The following TMEM132D variants were observed in gnomAD, a reference collection of about 807,000 sequenced individuals.
TMEM132D encodes the protein mature OL transmembrane protein.
A neutral mutation model predicts 62.3 loss-of-function variants in TMEM132D; 21 were observed. The ratio of observed to expected loss-of-function variants is 0.34; its 90% CI spans 0.24 to 0.49. The LOEUF is 0.49. Ranked by LOEUF, TMEM132D falls within the 20% of genes least tolerant of loss-of-function variation. The pLI is 0.99. For synonymous variants in TMEM132D, 621 were observed against 575.6 expected (o/e 1.08, Z -1.13); for missense variants, 1,346 against 1,402.8 (o/e 0.96, Z 0.65).
At chr12:129,297,504 G>T (rs1472107260) in intron 4 of TMEM132D, among the ~76,000 whole-genome samples, 1 of 152,218 alleles carries the variant, frequency 6.6e-6, no homozygotes, top group Admixed American at 6.5e-5. Context: ...ACCAGAAAGG[G>T]ATTCCAGCAG....
chr12:129,206,859 A>G (rs1301995678), intron 5 of TMEM132D, among the ~76,000 whole-genome samples: 1 of 152,154 alleles, frequency 6.6e-6, no homozygotes, highest in Non-Finnish European at 1.5e-5. Flanking sequence ...AGAAAACCAA[A>G]TACTCCATGT....
chr12:129,406,662 C>T (rs915801226), intron 3 of TMEM132D, among the ~76,000 whole-genome samples: 25 of 151,764 alleles, frequency 1.6e-4, no homozygotes, highest in Admixed American at 6.6e-4. Context: ...TACACACATA[C>T]ACACCATGTA....
intron 4 of TMEM132D, among the ~76,000 whole-genome samples, chr12:129,333,718 C>A (rs1422518272): frequency 1.3e-5 from 2 of 152,206 alleles, no homozygotes; most frequent in African/African-American, 2.4e-5. Flanking sequence ...GCCTCCCTTG[C>A]AGCTAGATCT....
intron 3 of TMEM132D, among the ~76,000 whole-genome samples, chr12:129,356,534 G>A (rs376877761): frequency 1.3e-5 from 2 of 151,560 alleles, no homozygotes; most frequent in Admixed American, 6.6e-5. Flanking sequence ...AATAAGAAAC[G>A]AGGCCGGGCT....
chr12:129,268,241 A>G (rs1188455833), intron 4 of TMEM132D, among the ~76,000 whole-genome samples: 1 of 152,206 alleles, frequency 6.6e-6, no homozygotes, highest in Non-Finnish European at 1.5e-5. Context: ...ATCAGAGTGA[A>G]CAGGCAACCT....
chr12:129,764,371 GA>G (rs1421057796), intron 1 of TMEM132D, among the ~76,000 whole-genome samples: 4 of 152,168 alleles, frequency 2.6e-5, no homozygotes, highest in African/African-American at 4.8e-5. Flanking sequence ...GTAGGGTTAA[GA>G]AAGGTGGAAA....
chr12:129,543,567 T>C lies in TMEM132D; in HGVS notation c.969-12362A>G, dbSNP rs531373291. The stretch of plus-strand genomic sequence containing the variant: ...TGTGAGAATGCCCAGGGTGCTTCTA[T>C]TAGCCTAAAGTTTGGCAAAATCATC... On this transcript the variant is annotated intron_variant, in intron 2 of 8. Coordinates refer to ENST00000422113, the MANE Select transcript of TMEM132D (RefSeq NM_133448.3). Among the ~76,000 whole-genome samples the C allele has an allele frequency of 5.3e-5, 8 of 152,326 alleles. 1 individual carries two copies. In the South Asian group the frequency reaches 1.7e-3, roughly 32 times the overall value.
chr12:129,432,982 G>C (rs1273681460), intron 3 of TMEM132D, among the ~76,000 whole-genome samples: 1 of 152,106 alleles, frequency 6.6e-6, no homozygotes, highest in African/African-American at 2.4e-5. Flanking sequence ...ACATAGGGTA[G>C]TTTCATCTGT....
chr12:129,254,837 G>A (rs1187470498), intron 4 of TMEM132D, among the ~76,000 whole-genome samples: 1 of 152,152 alleles, frequency 6.6e-6, no homozygotes, highest in African/African-American at 2.4e-5. Context: ...TCCTGGCCTT[G>A]AATTTTCATC....
At chr12:129,712,574 C>G (rs775397332) in intron 1 of TMEM132D, among the ~76,000 whole-genome samples, 2 of 152,118 alleles carry the variant, frequency 1.3e-5, no homozygotes, top group South Asian at 4.1e-4. Flanking sequence ...TGCAGTGGAA[C>G]GGGGCCACGC....
At chr12:129,569,723 C>A (rs1877459670) in intron 2 of TMEM132D, among the ~76,000 whole-genome samples, 1 of 152,156 alleles carries the variant, frequency 6.6e-6, no homozygotes, top group Non-Finnish European at 1.5e-5. Flanking sequence ...GAAATGACTC[C>A]ACTGAAGTGC....
intron 5 of TMEM132D, among the ~76,000 whole-genome samples, chr12:129,141,663 C>G (rs1302899233): frequency 6.6e-6 from 1 of 152,106 alleles, no homozygotes; most frequent in Non-Finnish European, 1.5e-5. Context: ...AATGCAGGAA[C>G]AGAAAACCAA....
rs1366730326 is a variant in TMEM132D, at chr12:129,277,827, G to A, written c.1299+59807C>T. ...AATATGACAAAGTTTGGAAAATACT[G>A]ACCCAGAGGATGGATCCTTAGGCTT... is the stretch of plus-strand genomic sequence containing the variant. On this transcript the variant is annotated intron_variant, in intron 4 of 8. Transcript: ENST00000422113. The surrounding 1 kb of genome is among the most constrained non-coding windows in gnomAD (Gnocchi z 4.2). 6.6e-6 allele frequency among the ~76,000 whole-genome samples: 1 copy of A among 152,168 alleles called. No homozygotes were observed. Among genetic ancestry groups the A allele is most frequent in the Non-Finnish European group, 1.5e-5 (1 of 68,032 alleles).
intron 1 of TMEM132D, among the ~76,000 whole-genome samples, chr12:129,796,786 A>G (rs971595253): frequency 2.0e-5 from 3 of 152,162 alleles, no homozygotes; most frequent in South Asian, 4.1e-4. Context: ...GTAGATGACG[A>G]GTTGATGGGT....
intron 4 of TMEM132D, among the ~76,000 whole-genome samples, chr12:129,232,071 T>C (rs557469949): frequency 9.2e-5 from 14 of 152,344 alleles, no homozygotes; most frequent in Middle Eastern, 6.8e-3. Flanking sequence ...CCTGGGGAGA[T>C]TAAACAACAC....
intron 3 of TMEM132D, among the ~76,000 whole-genome samples, chr12:129,447,034 C>G (rs557136392): frequency 6.6e-6 from 1 of 152,282 alleles, no homozygotes; most frequent in Non-Finnish European, 1.5e-5. Context: ...GAGAATCCTG[C>G]TACTCACACC....
intron 4 of TMEM132D, among the ~76,000 whole-genome samples, chr12:129,246,164 T>C (rs1880101928): frequency 6.6e-6 from 1 of 152,084 alleles, no homozygotes; most frequent in Non-Finnish European, 1.5e-5. Flanking sequence ...GTAAACCGAA[T>C]ATTGCTGCTG....
intron 1 of TMEM132D, among the ~76,000 whole-genome samples, chr12:129,725,716 G>A (rs368008027): frequency 1.2e-3 from 177 of 152,322 alleles, no homozygotes; most frequent in African/African-American, 4.0e-3. Flanking sequence ...AAAGAGAAAT[G>A]GAGAACCACT....
intron 2 of TMEM132D, among the ~76,000 whole-genome samples, chr12:129,649,212 C>G (rs937407616): frequency 1.3e-5 from 2 of 152,180 alleles, no homozygotes; most frequent in Non-Finnish European, 2.9e-5. Flanking sequence ...AGTTTGTTTA[C>G]TCCAGTCAGG....
Sources: allele counts gnomAD v4.1 joint callset (sites outside exome capture counted in the v4.1 genomes callset), GRCh38; gene constraint gnomAD v4.1.1; non-coding constraint Gnocchi (gnomAD v3.1); transcripts MANE v1.5; gene names NCBI Gene and HGNC (gene_info 2026-07-23, HGNC 2026-07-21).